The following EXOG variants were observed in gnomAD, a reference collection of about 807,000 sequenced individuals.
EXOG encodes nuclease EXOG, mitochondrial.
In EXOG, 27 loss-of-function variants were observed where a neutral mutation model predicts 25.8. The ratio of observed to expected loss-of-function variants is 1.05; its 90% CI spans 0.77 to 1.45. The LOEUF (loss-of-function observed/expected upper bound fraction) is 1.45, where lower values mean the gene tolerates loss of function less well. Among genes scored for constraint, EXOG ranks in the 40% most tolerant of loss-of-function variants. The probability of loss-of-function intolerance (pLI) is 0.00; values close to 1 mark genes in which losing one functional copy is unlikely to be tolerated. For synonymous variants in EXOG, 133 were observed against 167.0 expected, an observed-to-expected ratio of 0.80 and a Z score of 1.57; for missense variants, 458 against 450.5, an observed-to-expected ratio of 1.02 and a Z score of -0.15.
intron 5 of EXOG, among the ~76,000 whole-genome samples, chr3:38,523,678 T>C (rs2125807641): frequency 6.6e-6 from 1 of 152,300 alleles, no homozygotes; most frequent in Non-Finnish European, 1.5e-5. Flanking sequence ...TGGGGTTATA[T>C]TATTTTAAAG....
chr3:38,509,787 A>T (rs1039816503), intron 5 of EXOG, among the ~76,000 whole-genome samples: 2 of 152,362 alleles, frequency 1.3e-5, no homozygotes, highest in African/African-American at 4.8e-5. Context: ...GAATTAAATA[A>T]GAATACATAC....
chr3:38,497,896 A>G (rs568589980), intron 2 of EXOG, 118 bp downstream of exon 2: 2 of 1,264,130 alleles, frequency 1.6e-6, no homozygotes, highest in African/African-American at 1.6e-5. Flanking sequence ...CATGTAGAAA[A>G]TTATATTTAT....
intron 3 of EXOG, among the ~76,000 whole-genome samples, chr3:38,501,951 C>G (rs1424748824): frequency 6.6e-6 from 1 of 152,106 alleles, no homozygotes; most frequent in Admixed American, 6.5e-5. Flanking sequence ...GAGATGGAGT[C>G]TCTCTCTGTC....
intron 4 of EXOG, among the ~76,000 whole-genome samples, chr3:38,504,304 T>G (rs1382015494): frequency 6.6e-6 from 1 of 151,876 alleles, no homozygotes; most frequent in Non-Finnish European, 1.5e-5. Flanking sequence ...AGTTTGAGGC[T>G]ATAGTGAGCG....
At chr3:38,523,193 G>C in intron 5 of EXOG, 1 of 1,288,704 alleles carries the variant, frequency 7.8e-7, no homozygotes, top group South Asian at 1.2e-5. Flanking sequence ...ACCCAAGCCT[G>C]CAGTTTTGAC....
Position 38,497,742 on chromosome 3 carries a change from T to C in EXOG, c.277T>C (p.Trp93Arg). The C allele has an allele frequency of 6.2e-7, 1 of 1,606,902 alleles. No homozygotes were observed. The highest frequency in any genetic ancestry group is 8.5e-7 in the Non-Finnish European group (1 of 1,178,406). ...TGATCAGGCAAAGCGGGTGCCTAGA[T>C]GGGTTCTTGAACATATTTCCAAAAG... Reference protein sequence around the residue: ...SYDQAKRVPRWVLEHISKSKI... With the variant: ...SYDQAKRVPRRVLEHISKSKI... Residue 93 changes from tryptophan to arginine, a missense_variant, in exon 2 of 6, where the codon TGG becomes CGG. Transcript: ENST00000287675.
At chr3:38,504,624 T>A (rs1480587405) in intron 4 of EXOG, among the ~76,000 whole-genome samples, 1 of 151,968 alleles carries the variant, frequency 6.6e-6, no homozygotes, top group Non-Finnish European at 1.5e-5. Flanking sequence ...TTAGTAGACA[T>A]GGGGTTTCAC....
Position 38,501,400 on chromosome 3 carries a change from T to C in EXOG, c.359T>C (p.Ile120Thr). ...TGTAAATTTAAGCCTGATCCCAATA[T>C]CCCTCCAACCTTCAGTGCCTTCAAT... ...KHCKFKPDPNIPPTFSAFNED... is the reference protein window; with the variant it reads ...KHCKFKPDPNTPPTFSAFNED... The change falls in exon 3 of 6, where the codon ATC becomes ACC. Residue 120 changes from isoleucine to threonine, a missense_variant. Around this residue, in one of 3 missense-constraint regions of EXOG, gnomAD observed 275 missense variants for 230.5 expected, o/e 1.19. Coordinates refer to ENST00000287675, the MANE Select transcript of EXOG (RefSeq NM_005107.4). The C allele has an allele frequency of 3.7e-6, 6 of 1,613,140 alleles. No homozygotes were observed. The highest frequency in any genetic ancestry group is 5.1e-6 in the Non-Finnish European group (6 of 1,179,116).
At chr3:38,497,604 C>CCTTTTTT (rs1559670863) in intron 1 of EXOG, 25 bp from the exon 2 acceptor site, 3 of 1,412,228 alleles carry the variant, frequency 2.1e-6, no homozygotes, top group African/African-American at 3.1e-5. Context: ...TCTGCCCCCC[C>CCTTTTTT]TTTTTTTTTT....
Position 38,525,261 on chromosome 3 carries a change from C to G in EXOG, c.*899C>G. On this transcript the variant is annotated 3_prime_UTR_variant, in exon 6 of 6. Transcript: ENST00000287675. Reference sequence around the variant, plus strand: ...TTCACTTTTCCAAAGTAGTCATCCACAAAGTATGAGGCAGACAGATCTAAG... The same window carrying G: ...TTCACTTTTCCAAAGTAGTCATCCAGAAAGTATGAGGCAGACAGATCTAAG... 3 of 985,276 alleles carry G rather than the reference C, an allele frequency of 3.0e-6. No individual in the cohort carries two copies. Among genetic ancestry groups the G allele is most frequent in the Non-Finnish European group, 3.6e-6 (3 of 829,796 alleles). 61.0% of individuals were successfully genotyped at this position (985,276 alleles called of 1,614,324 possible). A position where few individuals can be genotyped will look rare whatever the true frequency, so the allele number is the denominator to read the frequency against.
chr3:38,523,490 A>G (rs1265168554), intron 5 of EXOG: 1 of 193,668 alleles, frequency 5.2e-6, no homozygotes, highest in African/African-American at 2.4e-5. Flanking sequence ...CAGCCTCCCA[A>G]GTAGCTGGGA....
intron 5 of EXOG, among the ~76,000 whole-genome samples, chr3:38,519,909 G>A (rs577578839): frequency 2.7e-4 from 41 of 152,236 alleles, no homozygotes; most frequent in African/African-American, 9.4e-4. Flanking sequence ...CCTCAGGTTC[G>A]GATTTCCTGT....
At chr3:38,507,414 T>C (rs1410953476) in intron 5 of EXOG, among the ~76,000 whole-genome samples, 2 of 152,130 alleles carry the variant, frequency 1.3e-5, no homozygotes, top group Non-Finnish European at 2.9e-5. Flanking sequence ...CACAGGACAT[T>C]TGTGGTCAAC....
At chr3:38,498,496 A>C (rs2059957292) in intron 2 of EXOG, among the ~76,000 whole-genome samples, 1 of 152,020 alleles carries the variant, frequency 6.6e-6, no homozygotes, top group Non-Finnish European at 1.5e-5. Context: ...TGGGGGTTGC[A>C]GTGAGCCAAG....
chr3:38,525,881 C>A lies in EXOG; in HGVS notation c.*1519C>A. ...ATTGCTTGAGCCTGGCAGGTCAAGG[C>A]TGCGATGGGACATGGTCATGCCACT... On this transcript the variant is annotated 3_prime_UTR_variant, in exon 6 of 6. Coordinates refer to ENST00000287675, the MANE Select transcript of EXOG (RefSeq NM_005107.4). The A allele has an allele frequency of 2.9e-6, 2 of 678,294 alleles. No individual in the cohort carries two copies. The highest frequency in any genetic ancestry group is 3.6e-6 in the Non-Finnish European group (2 of 549,558). The allele number at this position is 678,294 out of a possible 1,614,324, so 42.0% of individuals were successfully genotyped here.
chr3:38,504,704 G>A (rs1175161800), intron 4 of EXOG, among the ~76,000 whole-genome samples: 1 of 152,094 alleles, frequency 6.6e-6, no homozygotes, highest in Non-Finnish European at 1.5e-5. Context: ...AAAGTGCTGG[G>A]ATTACAGACA....
intron 5 of EXOG, among the ~76,000 whole-genome samples, chr3:38,517,723 C>T (rs946550500): frequency 1.3e-5 from 2 of 152,170 alleles, no homozygotes; most frequent in African/African-American, 4.8e-5. Context: ...GATTGACAGA[C>T]ACTGGTCATT....
chr3:38,524,888 T>C lies in EXOG; in HGVS notation c.*526T>C. On this transcript the variant is annotated 3_prime_UTR_variant, in exon 6 of 6. Coordinates refer to ENST00000287675, the MANE Select transcript of EXOG (RefSeq NM_005107.4). Reference sequence around the variant, plus strand: ...TAGTTTCATGCCTCCAAACCATGCATTGTCTGTGATGTATCTGCCCAGCCT... The same window carrying C: ...TAGTTTCATGCCTCCAAACCATGCACTGTCTGTGATGTATCTGCCCAGCCT... 2.0e-6 allele frequency: 2 copies of C among 986,108 alleles called. No individual in the cohort carries two copies. The highest frequency in any genetic ancestry group is 2.4e-6 in the Non-Finnish European group (2 of 830,482). 61.1% of individuals were successfully genotyped at this position (986,108 alleles called of 1,614,324 possible). A position where few individuals can be genotyped will look rare whatever the true frequency, so the allele number is the denominator to read the frequency against.
chr3:38,497,971 A>G (rs900739049), intron 2 of EXOG, 193 bp downstream of exon 2: 28 of 610,474 alleles, frequency 4.6e-5, no homozygotes, highest in Non-Finnish European at 6.8e-5. Context: ...CAGCTGTCTC[A>G]GGGCTGAAAA....
Sources: allele counts gnomAD v4.1 joint callset (sites outside exome capture counted in the v4.1 genomes callset), GRCh38; gene constraint gnomAD v4.1.1; regional missense constraint gnomAD v4.1.1; transcripts MANE v1.5; gene names NCBI Gene and HGNC (gene_info 2026-07-23, HGNC 2026-07-21).